SELENOW: variants seen among roughly 807,000 people sequenced by gnomAD.
SELENOW encodes selenoprotein W, 1.
Under a neutral mutation model 16.6 loss-of-function variants are expected in SELENOW, and 20 were observed. The ratio of observed to expected loss-of-function variants is 1.21; its 90% CI spans 0.85 to 1.76. The LOEUF is 1.76. Ranked by LOEUF, SELENOW falls within the 40% of genes most tolerant of loss-of-function variation. The pLI is 0.00. For missense variants in SELENOW, 124 were observed against 111.0 expected (o/e 1.12, Z -0.53); for synonymous variants, 44 against 46.2 (o/e 0.95, Z 0.19).
intron 4 of SELENOW, 25 bp from the exon 5 acceptor site, chr19:47,781,265 C>G (rs1039133143): frequency 6.2e-7 from 1 of 1,607,252 alleles, no homozygotes. Context: ...CCAGCTCACC[C>G]CTTCCCTCTT....
chr19:47,778,853 G>T (rs750136399), intron 1 of SELENOW, 39 bp downstream of exon 1: 7 of 1,518,610 alleles, frequency 4.6e-6, no homozygotes, highest in Non-Finnish European at 6.2e-6. Context: ...CCCGACCCCC[G>T]CCGGGACCCG....
chr19:47,781,052 T>G (rs1599936538), intron 3 of SELENOW, 56 bp from the exon 4 acceptor site: 2 of 1,554,680 alleles, frequency 1.3e-6, no homozygotes, highest in Middle Eastern at 1.7e-4. Context: ...AAGGGGAGGG[T>G]CTCCCCAAGA....
intron 1 of SELENOW, chr19:47,780,480 C>G: frequency 3.6e-6 from 2 of 560,162 alleles, no homozygotes; most frequent in Non-Finnish European, 6.4e-6. Context: ...TGTTGGTTTT[C>G]TGTGTGTCTC....
intron 1 of SELENOW, 31 bp from the exon 2 acceptor site, chr19:47,780,693 CT>C: frequency 1.2e-5 from 18 of 1,552,536 alleles, no homozygotes; most frequent in Non-Finnish European, 1.6e-5. Context: ...CCTCTCTCCC[CT>C]GGGCCCCAAT....
At position 47,781,304 on chromosome 19, in the gene SELENOW, C is replaced by T. The variant is rs773208751; in HGVS notation, c.198C>T (p.Tyr66=). The change falls in exon 5 of 6, where the codon TAC becomes TAT. Residue 66 remains tyrosine, a synonymous_variant. Transcript: ENST00000601048. ...CCCCTCCCTAGAAAGGCGATGGCTA[C>T]GTGGACACAGAAAGCAAGTTTCTGA... ...LIHSKKKGDG[Y]VDTESKFLKL... The T allele has an allele frequency of 1.5e-5, 24 of 1,613,462 alleles. No individual in the cohort carries two copies. The East Asian group carries it at 2.7e-4, about 18-fold the overall frequency.
At chr19:47,781,039 G>A in intron 3 of SELENOW, 69 bp from the exon 4 acceptor site, 1 of 1,548,490 alleles carries the variant, frequency 6.5e-7, no homozygotes, top group Non-Finnish European at 8.9e-7. Flanking sequence ...TCATCCCCCT[G>A]GGAAGGGGAG....
At position 47,780,907 on chromosome 19, in the gene SELENOW, G is replaced by A. The variant is rs1194993218; in HGVS notation, c.98G>A (p.Arg33His). The A allele has an allele frequency of 9.9e-6, 16 of 1,613,226 alleles. No individual in the cohort carries two copies. Among genetic ancestry groups the A allele is most frequent in the African/African-American group, 2.7e-5 (2 of 74,836 alleles). The change falls in exon 3 of 6, where the codon CGC becomes CAC. Residue 33 changes from arginine to histidine, a missense_variant. Physicochemically the swap from Arg to His is conservative, Grantham distance 29. Coordinates refer to ENST00000601048, the MANE Select transcript of SELENOW (RefSeq NM_003009.4). ...AAGTTAGAAGATGAGTTCCCCGGCCGCCTGGACATCGTGAGTCTTGGGATG... is the reference window on the plus strand; with the variant it reads ...AAGTTAGAAGATGAGTTCCCCGGCCACCTGGACATCGTGAGTCTTGGGATG... Reference protein sequence around the residue: ...KKKLEDEFPGRLDICGEGTPQ... With the variant: ...KKKLEDEFPGHLDICGEGTPQ...
At position 47,778,714 on chromosome 19, in the gene SELENOW, C is replaced by G. The variant is rs1437365655; in HGVS notation, c.-72C>G. ...CAGGTTCCCGCCGCACTCGCGCAGACCTAGCGCGTCCAGGTGGGAGGTTAG... is the reference window on the plus strand; with the variant it reads ...CAGGTTCCCGCCGCACTCGCGCAGAGCTAGCGCGTCCAGGTGGGAGGTTAG... On this transcript the variant is annotated 5_prime_UTR_variant, in exon 1 of 6. Coordinates refer to ENST00000601048, the MANE Select transcript of SELENOW (RefSeq NM_003009.4). 1.0e-5 allele frequency: 16 copies of G among 1,540,044 alleles called. No individual in the cohort carries two copies. Among genetic ancestry groups the G allele is most frequent in the Admixed American group, 1.9e-5 (1 of 51,508 alleles).
At chr19:47,778,921 G>T in intron 1 of SELENOW, 107 bp downstream of exon 1, 2 of 1,120,490 alleles carry the variant, frequency 1.8e-6, no homozygotes, top group Non-Finnish European at 2.5e-6. Context: ...GCCCTTGTAT[G>T]GGAAAAGGGA....
intron 1 of SELENOW, chr19:47,780,124 G>A (rs754909109): frequency 6.6e-6 from 3 of 455,634 alleles, no homozygotes; most frequent in South Asian, 4.7e-5. Context: ...TAGGAGCTGC[G>A]GGGCCGGGTG....
Position 47,781,223 on chromosome 19 carries a change from A to G in SELENOW, c.183+41A>G, listed in dbSNP as rs192148450. On this transcript the variant is annotated intron_variant, in intron 4 of 5. Coordinates refer to ENST00000601048, the MANE Select transcript of SELENOW (RefSeq NM_003009.4). ...CGTCCTGCCTGGTTTTGGGGCTAGC[A>G]TGGGGTTGGGGCTGAGGTTGGTGTC... 372 of 1,606,590 alleles carry G rather than the reference A, an allele frequency of 2.3e-4. No homozygotes were observed. In the African/African-American group the frequency reaches 4.4e-3, roughly 19 times the overall value.
intron 1 of SELENOW, chr19:47,780,226 G>T (rs939135001): frequency 3.4e-5 from 13 of 384,302 alleles, no homozygotes; most frequent in African/African-American, 2.7e-4. Flanking sequence ...TGGCCAACAT[G>T]GTGAAAATAC....
At chr19:47,779,000 G>T in intron 1 of SELENOW, 186 bp downstream of exon 1, 1 of 569,522 alleles carries the variant, frequency 1.8e-6, no homozygotes, top group South Asian at 2.2e-5. Flanking sequence ...CCTAGGCCCC[G>T]TCTTCGACTT....
rs1052325298 is a variant in SELENOW at position 47,784,491 on chromosome 19, T to G, written c.*220T>G. The G allele has an allele frequency of 6.6e-6, 1 of 152,526 alleles. No individual in the cohort carries two copies. The highest frequency in any genetic ancestry group is 2.1e-4 in the South Asian group (1 of 4,828). The allele number at this position is 152,526 out of a possible 1,614,324, so 9.4% of individuals were successfully genotyped here. On this transcript the variant is annotated 3_prime_UTR_variant, in exon 6 of 6. Transcript: ENST00000601048. The stretch of plus-strand genomic sequence containing the variant: ...AATCCACACCACCCCACCCTCCTCC[T>G]GTCCCGTGGTTTCATCATATCTCTT...
chr19:47,778,713 A>C lies in SELENOW; in HGVS notation c.-73A>C. ...GCAGGTTCCCGCCGCACTCGCGCAG[A>C]CCTAGCGCGTCCAGGTGGGAGGTTA... On this transcript the variant is annotated 5_prime_UTR_variant, in exon 1 of 6. Transcript: ENST00000601048. 2.0e-6 allele frequency: 3 copies of C among 1,538,434 alleles called. No homozygotes were observed. The highest frequency in any genetic ancestry group is 1.8e-6 in the Non-Finnish European group (2 of 1,135,680).
intron 1 of SELENOW, chr19:47,780,390 C>T (rs538665180): frequency 1.6e-4 from 67 of 431,634 alleles, no homozygotes; most frequent in Admixed American, 2.1e-4. Context: ...GGTTTTCCCC[C>T]GTCCCCGTCT....
In SELENOW at chr19:47,778,746, CCGGGCGTCCGCTCCTCAG is replaced by C. The variant is rs757943801; in HGVS notation, c.-36_-19del. On this transcript the variant is annotated 5_prime_UTR_variant, in exon 1 of 6. Transcript: ENST00000601048. ...CGTCCAGGTGGGAGGTTAGTGTGGC[CCGGGCGTCCGCTCCTCAG>C]CGGATGTGGCAGCCCCGAGCCATGG... 6.3e-7 allele frequency: 1 copy of C among 1,588,984 alleles called. No homozygotes were observed. Among genetic ancestry groups the C allele is most frequent in the South Asian group, 1.1e-5 (1 of 87,306 alleles).
At chr19:47,783,241 C>T (rs1011345210) in intron 5 of SELENOW, 10 of 151,878 alleles carry the variant, frequency 6.6e-5, no homozygotes, top group African/African-American at 2.4e-4. Flanking sequence ...GTCTCTGTCG[C>T]CCAGGCTGGA....
At chr19:47,780,439 T>G (rs1967459673) in intron 1 of SELENOW, 14 of 522,900 alleles carry the variant, frequency 2.7e-5, no homozygotes, top group Non-Finnish European at 4.9e-5. Context: ...TCTCCCCTTT[T>G]TCCCCTCCCC....
Sources: allele counts gnomAD v4.1 joint callset, GRCh38; gene constraint gnomAD v4.1.1; transcripts MANE v1.5; gene names NCBI Gene and HGNC (gene_info 2026-07-23, HGNC 2026-07-21).